PRKCQ: variants seen among roughly 807,000 people sequenced by gnomAD.
The protein encoded by PRKCQ is protein kinase C theta type.
A neutral mutation model predicts 91.2 loss-of-function variants in PRKCQ; 41 were observed. That is an observed-to-expected ratio of 0.45 (90% CI 0.35 to 0.58). The LOEUF (loss-of-function observed/expected upper bound fraction) is 0.58, where lower values mean the gene tolerates loss of function less well. Ranked by LOEUF, PRKCQ falls within the 20% of genes least tolerant of loss-of-function variation. PRKCQ has a pLI of 0.00. For synonymous variants in PRKCQ, 307 were observed against 316.9 expected (o/e 0.97, Z 0.33); for missense variants, 673 against 896.5 (o/e 0.75, Z 3.18).
chr10:6,433,278 A>G (rs1384895066), intron 16 of PRKCQ, among the ~76,000 whole-genome samples: 1 of 152,198 alleles, frequency 6.6e-6, no homozygotes. Context: ...ATAATCTCTC[A>G]TCTGTGTACC....
intron 1 of PRKCQ, among the ~76,000 whole-genome samples, chr10:6,555,400 T>C (rs1406127498): frequency 1.3e-5 from 2 of 152,196 alleles, no homozygotes; most frequent in African/African-American, 2.4e-5. Context: ...TCCTAAATGA[T>C]GCGTACACAA....
chr10:6,485,660 T>C (rs1392874139), intron 9 of PRKCQ, among the ~76,000 whole-genome samples: 1 of 152,156 alleles, frequency 6.6e-6, no homozygotes, highest in Admixed American at 6.6e-5. Context: ...CAGGCCAAAT[T>C]TGCCCTGGAC....
At chr10:6,578,786 A>G (rs1841337405) in intron 1 of PRKCQ, among the ~76,000 whole-genome samples, 2 of 152,364 alleles carry the variant, frequency 1.3e-5, no homozygotes, top group South Asian at 2.1e-4. Flanking sequence ...TTCCCGCTAG[A>G]CACAGCACTT....
At chr10:6,552,893 A>T (rs201857614) in intron 1 of PRKCQ, among the ~76,000 whole-genome samples, 1 of 40,934 alleles carries the variant, frequency 2.4e-5, no homozygotes, top group African/African-American at 3.9e-5. Context: ...AAAAATTAAA[A>T]TTTTTTTTTA....
In PRKCQ at chr10:6,497,055, T is replaced by C. The variant is rs148789784; in HGVS notation, c.640A>G (p.Ile214Val). 6.9e-4 allele frequency: 1,118 copies of C among 1,613,110 alleles called. 7 individuals are homozygous for C. The African/African-American group carries it at 0.013, about 19-fold the overall frequency. ...KVIAKCTGSA[I>V]NSRETMFHKE... ...CTCACCATGGTTTCTCGGCTATTGATAGCTGATCCTGTGCACTTTGCTATA... is the reference window on the plus strand; with the variant it reads ...CTCACCATGGTTTCTCGGCTATTGACAGCTGATCCTGTGCACTTTGCTATA... The change falls in exon 7 of 18, where the codon ATC becomes GTC. Residue 214 changes from isoleucine to valine, a missense_variant. Coordinates refer to ENST00000263125, the MANE Select transcript of PRKCQ (RefSeq NM_006257.5). The surrounding 1 kb of genome is among the most constrained non-coding windows in gnomAD (Gnocchi z 4.5).
chr10:6,491,881 C>T, intron 7 of PRKCQ, 69 bp from the exon 8 acceptor site: 3 of 1,583,984 alleles, frequency 1.9e-6, no homozygotes, highest in South Asian at 2.2e-5. Context: ...CTTGCAGATA[C>T]CTTAGCATAA....
intron 15 of PRKCQ, among the ~76,000 whole-genome samples, chr10:6,455,634 AT>A (rs1189189363): frequency 6.6e-6 from 1 of 152,242 alleles, no homozygotes; most frequent in Non-Finnish European, 1.5e-5. Context: ...GCACCTTAAT[AT>A]GCCAACACCT....
intron 12 of PRKCQ, among the ~76,000 whole-genome samples, chr10:6,474,999 G>T (rs1836196883): frequency 6.6e-6 from 1 of 152,074 alleles, no homozygotes; most frequent in African/African-American, 2.4e-5. Context: ...AAAAGTAAAA[G>T]AAAGAAGAGC....
chr10:6,451,559 C>A (rs961475028), intron 15 of PRKCQ, among the ~76,000 whole-genome samples: 1 of 152,138 alleles, frequency 6.6e-6, no homozygotes, highest in Non-Finnish European at 1.5e-5. Flanking sequence ...AAAAGGGAAT[C>A]CTCCTTAACT....
chr10:6,489,609 C>T (rs144568775), intron 8 of PRKCQ: 272 of 401,748 alleles, frequency 6.8e-4, no homozygotes, highest in African/African-American at 5.3e-3. Context: ...GAAAGGAGGA[C>T]GCGGGGGCAT....
intron 1 of PRKCQ, among the ~76,000 whole-genome samples, chr10:6,532,642 A>C (rs866105515): frequency 6.6e-6 from 1 of 152,260 alleles, no homozygotes; most frequent in Middle Eastern, 3.2e-3. Flanking sequence ...AGAGAACATG[A>C]CAGCATTTTT....
the PRKCQ span, among the ~76,000 whole-genome samples, chr10:6,413,008 A>G: frequency 6.6e-6 from 1 of 152,140 alleles, no homozygotes; most frequent in African/African-American, 2.4e-5. Context: ...GCTGGAGTGC[A>G]GTGGCTCCAT....
At chr10:6,523,409 C>T (rs1224218715) in intron 1 of PRKCQ, among the ~76,000 whole-genome samples, 1 of 152,120 alleles carries the variant, frequency 6.6e-6, no homozygotes, top group Non-Finnish European at 1.5e-5. Context: ...TGTGATTGCA[C>T]CACTGTACTC....
intron 12 of PRKCQ, among the ~76,000 whole-genome samples, chr10:6,466,682 A>G (rs1399530170): frequency 1.3e-5 from 2 of 152,228 alleles, no homozygotes; most frequent in Non-Finnish European, 2.9e-5. Flanking sequence ...TCCCATCATA[A>G]AAGGTAAATA....
At chr10:6,529,721 A>C (rs902839533) in intron 1 of PRKCQ, among the ~76,000 whole-genome samples, 3 of 152,164 alleles carry the variant, frequency 2.0e-5, no homozygotes, top group African/African-American at 7.2e-5. Context: ...TGGACAAGTG[A>C]CTTAATCTTT....
chr10:6,483,424 C>T lies in PRKCQ; in HGVS notation c.1179+16G>A, dbSNP rs1836723126. 6.2e-7 allele frequency: 1 copy of T among 1,613,968 alleles called. No individual in the cohort carries two copies. Among genetic ancestry groups the T allele is most frequent in the Admixed American group, 1.7e-5 (1 of 59,994 alleles). On this transcript the variant is annotated intron_variant, in intron 11 of 17. Coordinates refer to ENST00000263125, the MANE Select transcript of PRKCQ (RefSeq NM_006257.5). ...CCTGGAGTTGGGCCATAGCATTCTC[C>T]CGTGCATTAGCTTACCTTGCCAAAA...
At chr10:6,418,733 C>T in the PRKCQ span, among the ~76,000 whole-genome samples, 1 of 152,130 alleles carries the variant, frequency 6.6e-6, no homozygotes, top group South Asian at 2.1e-4. Flanking sequence ...CTTTTTCAGT[C>T]CCAGCTCAAG....
chr10:6,436,792 C>T (rs1399548421), intron 16 of PRKCQ, among the ~76,000 whole-genome samples: 1 of 136,056 alleles, frequency 7.3e-6, no homozygotes, highest in Non-Finnish European at 1.7e-5. Context: ...CACCTTTTCT[C>T]CTCCAACTGG....
At chr10:6,453,724 G>A (rs1183095009) in intron 15 of PRKCQ, among the ~76,000 whole-genome samples, 2 of 140,172 alleles carry the variant, frequency 1.4e-5, no homozygotes, top group Non-Finnish European at 3.1e-5. Context: ...TATACACCAT[G>A]GAATACTATG....
Sources: allele counts gnomAD v4.1 joint callset (sites outside exome capture counted in the v4.1 genomes callset), GRCh38; gene constraint gnomAD v4.1.1; non-coding constraint Gnocchi (gnomAD v3.1); transcripts MANE v1.5; gene names NCBI Gene and HGNC (gene_info 2026-07-23, HGNC 2026-07-21).